The following TCERG1L variants were observed in gnomAD, a reference collection of about 807,000 sequenced individuals.
The protein encoded by TCERG1L is transcription elongation regulator 1 like.
A neutral mutation model predicts 56.3 loss-of-function variants in TCERG1L; 37 were observed. The ratio of observed to expected loss-of-function variants is 0.66; its 90% CI spans 0.51 to 0.87. The LOEUF is 0.87. TCERG1L is among the 40% of genes least tolerant of loss of function. The pLI, the probability that TCERG1L is intolerant of heterozygous loss-of-function variation, is 0.00. For synonymous variants in TCERG1L, 324 were observed against 326.3 expected (o/e 0.99, Z 0.08); for missense variants, 799 against 774.2 (o/e 1.03, Z -0.38).
chr10:131,213,699 A>C (rs1845640242), intron 4 of TCERG1L, among the ~76,000 whole-genome samples: 1 of 152,202 alleles, frequency 6.6e-6, no homozygotes, highest in Non-Finnish European at 1.5e-5. Context: ...AGGCACAAGG[A>C]GGGCCTCTCC....
chr10:131,210,657 C>G (rs527990565), intron 4 of TCERG1L, among the ~76,000 whole-genome samples: 1 of 152,130 alleles, frequency 6.6e-6, no homozygotes, highest in African/African-American at 2.4e-5. Context: ...CCCGCAGGCC[C>G]GCCCTACTGG....
At chr10:131,164,387 C>T (rs914356964) in intron 5 of TCERG1L, among the ~76,000 whole-genome samples, 3 of 152,104 alleles carry the variant, frequency 2.0e-5, no homozygotes, top group Admixed American at 1.3e-4. Flanking sequence ...TGACAGACCG[C>T]AGGTCTTTGT....
intron 4 of TCERG1L, among the ~76,000 whole-genome samples, chr10:131,193,871 T>TA (rs1226769446): frequency 2.0e-5 from 3 of 152,222 alleles, no homozygotes; most frequent in Admixed American, 2.0e-4. Flanking sequence ...CTAATTTTAT[T>TA]AAAAATGTGC....
intron 3 of TCERG1L, among the ~76,000 whole-genome samples, chr10:131,288,246 A>C (rs1433157061): frequency 2.6e-5 from 4 of 152,264 alleles, no homozygotes; most frequent in Non-Finnish European, 5.9e-5. Context: ...GTGCAGATTC[A>C]GAATGATTTA....
intron 4 of TCERG1L, among the ~76,000 whole-genome samples, chr10:131,199,701 A>T (rs1477489416): frequency 5.3e-5 from 8 of 152,198 alleles, no homozygotes; most frequent in Non-Finnish European, 1.2e-4. Context: ...GTCTCAACTG[A>T]CAACAAGCAG....
At chr10:131,137,512 C>T (rs916773511) in intron 7 of TCERG1L, among the ~76,000 whole-genome samples, 8 of 152,166 alleles carry the variant, frequency 5.3e-5, no homozygotes, top group African/African-American at 1.7e-4. Context: ...TCCTGCCTGC[C>T]GTGTCCAGGG....
rs150860312 is a variant in TCERG1L at position 131,144,464 on chromosome 10, G to A, written c.1189+2042C>T. On this transcript the variant is annotated intron_variant, in intron 7 of 11. Coordinates refer to ENST00000368642, the MANE Select transcript of TCERG1L (RefSeq NM_174937.4). The stretch of plus-strand genomic sequence containing the variant: ...AAACACCTCCTGTCCTAATTGTGTC[G>A]CTGCGAAGCTCTCTGAGTGCATTTT... Among the ~76,000 whole-genome samples the A allele has an allele frequency of 1.6e-4, 25 of 152,132 alleles. No homozygotes were observed. The East Asian group carries it at 2.3e-3, about 14-fold the overall frequency.
chr10:131,110,159 C>T (rs1369289104), intron 9 of TCERG1L, among the ~76,000 whole-genome samples: 1 of 152,208 alleles, frequency 6.6e-6, no homozygotes, highest in Non-Finnish European at 1.5e-5. Flanking sequence ...TTTTCAACAT[C>T]CTCTCAGTGA....
At chr10:131,304,047 T>C (rs1376933759) in intron 3 of TCERG1L, among the ~76,000 whole-genome samples, 1 of 152,030 alleles carries the variant, frequency 6.6e-6, no homozygotes, top group Non-Finnish European at 1.5e-5. Context: ...TCTCTCTTCA[T>C]CATCTTTGAA....
chr10:131,121,175 G>T (rs947297511), intron 8 of TCERG1L, among the ~76,000 whole-genome samples: 6 of 152,174 alleles, frequency 3.9e-5, no homozygotes, highest in Non-Finnish European at 7.3e-5. Flanking sequence ...CGCTGACACA[G>T]GTTGAGATGG....
rs190529604 is a variant in TCERG1L, at chr10:131,172,156, C to T, written c.857-5271G>A. On this transcript the variant is annotated intron_variant, in intron 4 of 11. Transcript: ENST00000368642. ...ATATCTGGAAGCGTGTGGAGTAAATCCCAAAGGAACTGGAGTTGCAGCCCT... is the reference window on the plus strand; with the variant it reads ...ATATCTGGAAGCGTGTGGAGTAAATTCCAAAGGAACTGGAGTTGCAGCCCT... 2.6e-3 allele frequency among the ~76,000 whole-genome samples: 396 copies of T among 152,232 alleles called. 2 individuals carry two copies. The highest frequency in any genetic ancestry group is 6.8e-3 in the Middle Eastern group (2 of 294).
intron 4 of TCERG1L, among the ~76,000 whole-genome samples, chr10:131,232,738 C>G (rs940381248): frequency 6.6e-6 from 1 of 152,152 alleles, no homozygotes; most frequent in Non-Finnish European, 1.5e-5. Context: ...ACAAAACCCT[C>G]CCCTCCTTGT....
chr10:131,098,159 G>T, intron 11 of TCERG1L, 147 bp downstream of exon 11: 1 of 778,464 alleles, frequency 1.3e-6, no homozygotes, highest in Non-Finnish European at 2.1e-6. Flanking sequence ...AGCCAGGCTG[G>T]TCTCACTGGC....
rs760078996 is a variant in TCERG1L, at chr10:131,166,835, G to A, written c.907C>T (p.Arg303Trp). 6.8e-6 allele frequency: 11 copies of A among 1,613,634 alleles called. No individual in the cohort carries two copies. Among genetic ancestry groups the A allele is most frequent in the East Asian group, 4.5e-5 (2 of 44,892 alleles). ...TCTCCATCCCGGCTCTTCTGGGCCCGCAGCATCAGGGCAGGAGGGCGGGCC... is the reference window on the plus strand; with the variant it reads ...TCTCCATCCCGGCTCTTCTGGGCCCACAGCATCAGGGCAGGAGGGCGGGCC... ...RVARPPALML[R>W]AQKSRDGDKE... Residue 303 changes from arginine (R) to tryptophan (W), a missense_variant, in exon 5 of 12, where the codon CGG becomes TGG. By Grantham distance (101) the Arg-to-Trp change is moderately radical. Transcript: ENST00000368642.
rs1846251281 is a variant in TCERG1L at position 131,263,346 on chromosome 10, AT to A, written c.671-2903del. 3.9e-5 allele frequency among the ~76,000 whole-genome samples: 6 copies of A among 152,230 alleles called. No individual in the cohort carries two copies. In the South Asian group the frequency reaches 1.2e-3, roughly 32 times the overall value. Reference sequence around the variant, plus strand: ...AATAATAACACACTTTAGAAAATTTATAAGATAAAGTAATTATGCGGATAAA... The same window carrying A: ...AATAATAACACACTTTAGAAAATTTAAAGATAAAGTAATTATGCGGATAAA... On this transcript the variant is annotated intron_variant, in intron 3 of 11. Transcript: ENST00000368642.
chr10:131,296,884 A>G (rs1412302707), intron 3 of TCERG1L, among the ~76,000 whole-genome samples: 2 of 152,150 alleles, frequency 1.3e-5, no homozygotes. Context: ...TTAACTTCCA[A>G]TTGTTTATTA....
chr10:131,191,649 C>T lies in TCERG1L; in HGVS notation c.857-24764G>A, dbSNP rs568028705. On this transcript the variant is annotated intron_variant, in intron 4 of 11. Coordinates refer to ENST00000368642, the MANE Select transcript of TCERG1L (RefSeq NM_174937.4). Reference sequence around the variant, plus strand: ...AGGTGCTGGGAAGACTGGCAAGCCACATGTAGAAGAATGAAACTGGATCCC... The same window carrying T: ...AGGTGCTGGGAAGACTGGCAAGCCATATGTAGAAGAATGAAACTGGATCCC... Among the ~76,000 whole-genome samples, 7 of 142,280 alleles carry T rather than the reference C, an allele frequency of 4.9e-5. No individual in the cohort carries two copies. The East Asian group carries it at 1.4e-3, about 28-fold the overall frequency. 93.3% of individuals were successfully genotyped at this position (142,280 alleles called of 152,430 possible).
intron 4 of TCERG1L, among the ~76,000 whole-genome samples, chr10:131,183,664 A>G (rs889944548): frequency 1.3e-5 from 2 of 152,142 alleles, no homozygotes; most frequent in African/African-American, 4.8e-5. Context: ...TCTCTCTAGA[A>G]TACCCTACAC....
chr10:131,125,455 C>T (rs1040455805), intron 8 of TCERG1L, among the ~76,000 whole-genome samples: 2 of 152,220 alleles, frequency 1.3e-5, no homozygotes, highest in African/African-American at 4.8e-5. Flanking sequence ...TGAAATTCTG[C>T]AGGAATCAAA....
Sources: gnomAD v4.1 joint callset for allele counts (sites outside exome capture counted in the v4.1 genomes callset) on GRCh38, gnomAD v4.1.1 for gene constraint, MANE v1.5 for transcripts, NCBI Gene and HGNC (gene_info 2026-07-23, HGNC 2026-07-21) for gene names.